Variants in GOLPH3 observed in about 807,000 individuals in gnomAD.
GOLPH3 encodes coat protein GPP34.
In GOLPH3, 14 loss-of-function variants were observed where a neutral mutation model predicts 28.5. The observed-to-expected ratio is 0.49, with a 90% confidence interval of 0.32 to 0.77. The LOEUF is 0.77. GOLPH3 is among the 30% of genes least tolerant of loss of function. The pLI is 0.03. For missense variants in GOLPH3, 350 were observed against 393.7 expected, an observed-to-expected ratio of 0.89 and a Z score of 0.94; for synonymous variants, 158 against 159.2, an observed-to-expected ratio of 0.99 and a Z score of 0.06.
At chr5:32,137,640 CAA>C (rs1745965627) in intron 2 of GOLPH3, among the ~76,000 whole-genome samples, 1 of 151,918 alleles carries the variant, frequency 6.6e-6, no homozygotes, top group Admixed American at 6.6e-5. Flanking sequence ...GCCTGGGCGA[CAA>C]GAGCAAAAAT....
rs989026440 is a variant in GOLPH3, at chr5:32,125,010, A to C, written c.*1202T>G. 1 of 152,672 alleles carries C rather than the reference A, an allele frequency of 6.5e-6. No individual in the cohort carries two copies. Among genetic ancestry groups the C allele is most frequent in the Non-Finnish European group, 1.5e-5 (1 of 68,042 alleles). 9.5% of individuals were successfully genotyped at this position (152,672 alleles called of 1,614,324 possible). A position where few individuals can be genotyped will look rare whatever the true frequency, so the allele number is the denominator to read the frequency against. On this transcript the variant is annotated 3_prime_UTR_variant, in exon 4 of 4. Coordinates refer to ENST00000265070, the MANE Select transcript of GOLPH3 (RefSeq NM_022130.4). ...GAAATAGTAAAAATAAACTTTAAAA[A>C]GCAAAGGTTTATAGTCTGACAATGC... is the stretch of plus-strand genomic sequence containing the variant.
rs568065718 is a variant in GOLPH3, at chr5:32,153,301, A to G, written c.226-9421T>C. 1.4e-4 allele frequency among the ~76,000 whole-genome samples: 22 copies of G among 152,304 alleles called. No homozygotes were observed. In the South Asian group the frequency reaches 4.6e-3, roughly 32 times the overall value. ...ATAGTTTTGCTAACAAAATATCAGA[A>G]AGATAAACTCTAACTTTTCAAGAAC... is the stretch of plus-strand genomic sequence containing the variant. On this transcript the variant is annotated intron_variant, in intron 1 of 3. Coordinates refer to ENST00000265070, the MANE Select transcript of GOLPH3 (RefSeq NM_022130.4).
intron 3 of GOLPH3, among the ~76,000 whole-genome samples, chr5:32,134,311 T>C (rs961914327): frequency 6.6e-6 from 1 of 151,946 alleles, no homozygotes; most frequent in Non-Finnish European, 1.5e-5. Context: ...GCTCAAGCGA[T>C]CCTCCCACCT....
chr5:32,128,977 C>G (rs572827251), intron 3 of GOLPH3, among the ~76,000 whole-genome samples: 2 of 152,114 alleles, frequency 1.3e-5, no homozygotes, highest in East Asian at 3.9e-4. Flanking sequence ...GCTTGTAATC[C>G]CAGCACTTTG....
chr5:32,162,966 T>TA (rs1160025418), intron 1 of GOLPH3, among the ~76,000 whole-genome samples: 3 of 152,114 alleles, frequency 2.0e-5, no homozygotes, highest in Non-Finnish European at 4.4e-5. Flanking sequence ...TAGTCCCAGC[T>TA]ACTCGGGAGG....
intron 2 of GOLPH3, among the ~76,000 whole-genome samples, chr5:32,140,496 A>T (rs933861583): frequency 5.6e-5 from 8 of 141,930 alleles, no homozygotes; most frequent in East Asian, 2.0e-4. Context: ...CTAAACATAT[A>T]AAAAAAAAAA....
At chr5:32,127,917 T>C (rs1745717324) in intron 3 of GOLPH3, among the ~76,000 whole-genome samples, 1 of 152,016 alleles carries the variant, frequency 6.6e-6, no homozygotes, top group South Asian at 2.1e-4. Flanking sequence ...CTGCCTAAGC[T>C]TACCACCTAG....
chr5:32,128,803 T>TA (rs754409274), intron 3 of GOLPH3, among the ~76,000 whole-genome samples: 7,692 of 140,694 alleles, frequency 0.055, 649 homozygotes, highest in African/African-American at 0.19. Flanking sequence ...GCATCGAAGT[T>TA]AAAAAAAAAA....
At chr5:32,131,343 C>A (rs1745821422) in intron 3 of GOLPH3, among the ~76,000 whole-genome samples, 1 of 152,140 alleles carries the variant, frequency 6.6e-6, no homozygotes, top group Middle Eastern at 3.2e-3. Context: ...AAGAACTAAG[C>A]TAAATCAAAA....
intron 2 of GOLPH3, among the ~76,000 whole-genome samples, chr5:32,140,496 A>AT (rs1313177472): frequency 7.0e-6 from 1 of 141,930 alleles, no homozygotes; most frequent in Non-Finnish European, 1.5e-5. Flanking sequence ...CTAAACATAT[A>AT]AAAAAAAAAA....
chr5:32,127,250 T>C (rs1745702815), intron 3 of GOLPH3, among the ~76,000 whole-genome samples: 1 of 152,248 alleles, frequency 6.6e-6, no homozygotes, highest in Non-Finnish European at 1.5e-5. Context: ...TTCTTCTTTA[T>C]AGAAAACTGG....
intron 2 of GOLPH3, among the ~76,000 whole-genome samples, chr5:32,136,477 G>A (rs1242351399): frequency 3.6e-5 from 5 of 140,342 alleles, no homozygotes; most frequent in Admixed American, 7.2e-5. Flanking sequence ...GCAAAACTCC[G>A]ACTTAAAAAA....
intron 2 of GOLPH3, among the ~76,000 whole-genome samples, chr5:32,137,166 T>G (rs1172393858): frequency 1.3e-5 from 2 of 151,358 alleles, no homozygotes; most frequent in East Asian, 4.0e-4. Flanking sequence ...TCCATGTTGG[T>G]CAGGCTGGTC....
At chr5:32,128,134 C>G (rs1745724469) in intron 3 of GOLPH3, among the ~76,000 whole-genome samples, 2 of 152,154 alleles carry the variant, frequency 1.3e-5, no homozygotes, top group South Asian at 2.1e-4. Flanking sequence ...AAAGCTAAAG[C>G]TACATGTGTT....
At chr5:32,166,006 G>A (rs1331359028) in intron 1 of GOLPH3, among the ~76,000 whole-genome samples, 1 of 152,144 alleles carries the variant, frequency 6.6e-6, no homozygotes, top group Non-Finnish European at 1.5e-5. Context: ...TTCCTGTTTG[G>A]TAATTTTTAA....
At chr5:32,133,214 C>T (rs1254861862) in intron 3 of GOLPH3, among the ~76,000 whole-genome samples, 3 of 152,200 alleles carry the variant, frequency 2.0e-5, no homozygotes, top group Non-Finnish European at 4.4e-5. Flanking sequence ...GACAGTGCAA[C>T]AGCAGCCATA....
chr5:32,150,905 G>T (rs977211906), intron 1 of GOLPH3, among the ~76,000 whole-genome samples: 3 of 152,182 alleles, frequency 2.0e-5, no homozygotes, highest in Admixed American at 2.0e-4. Context: ...AAACAAACGT[G>T]TTGGGACAAC....
At chr5:32,138,368 C>G (rs2111847651) in intron 2 of GOLPH3, among the ~76,000 whole-genome samples, 1 of 152,148 alleles carries the variant, frequency 6.6e-6, no homozygotes, top group East Asian at 1.9e-4. Context: ...AGTCACAAAT[C>G]TATTCTTCAA....
intron 1 of GOLPH3, among the ~76,000 whole-genome samples, chr5:32,168,585 A>G (rs1746764133): frequency 6.6e-6 from 1 of 152,194 alleles, no homozygotes; most frequent in African/African-American, 2.4e-5. Flanking sequence ...ACACTGAAAG[A>G]TGACTGGAAA....
Sources: allele counts gnomAD v4.1 joint callset (sites outside exome capture counted in the v4.1 genomes callset), GRCh38; gene constraint gnomAD v4.1.1; transcripts MANE v1.5; gene names NCBI Gene and HGNC (gene_info 2026-07-23, HGNC 2026-07-21).